POLN: variants seen among roughly 807,000 people sequenced by gnomAD.
The protein encoded by POLN is DNA polymerase nu, also known as DNA polymerase N.
In POLN, 108 loss-of-function variants were observed where a neutral mutation model predicts 113.5. The observed-to-expected ratio is 0.95, with a 90% CI of 0.81 to 1.12. The LOEUF is 1.12. Ranked by LOEUF, POLN falls within the 50% of genes most tolerant of loss-of-function variation. POLN has a pLI of 0.00. For missense variants in POLN, 1,097 were observed against 1,077.1 expected (o/e 1.02, Z -0.26); for synonymous variants, 386 against 391.5 (o/e 0.99, Z 0.17).
intron 19 of POLN, among the ~76,000 whole-genome samples, chr4:2,125,424 A>G (rs1251458350): frequency 6.6e-6 from 1 of 152,162 alleles, no homozygotes; most frequent in Non-Finnish European, 1.5e-5. Context: ...TTTGGAGATT[A>G]AGAGAGAATA....
intron 2 of POLN, among the ~76,000 whole-genome samples, chr4:2,234,749 T>C (rs1455239140): frequency 1.3e-5 from 2 of 152,206 alleles, no homozygotes; most frequent in African/African-American, 4.8e-5. Flanking sequence ...GAATAGTCAT[T>C]ATGTAATGCT....
chr4:2,153,584 T>C (rs919243736), intron 16 of POLN, among the ~76,000 whole-genome samples: 2 of 151,916 alleles, frequency 1.3e-5, no homozygotes, highest in African/African-American at 2.4e-5. Context: ...ATGTTATTTG[T>C]ATAATTTTTT....
chr4:2,198,761 T>G, intron 5 of POLN, 44 bp from the exon 6 acceptor site: 2 of 1,493,712 alleles, frequency 1.3e-6, no homozygotes, highest in Non-Finnish European at 9.0e-7. Context: ...ACAACATATC[T>G]GTTGTAGAAA....
chr4:2,176,479 T>C, intron 8 of POLN, 145 bp from the exon 9 acceptor site: 1 of 609,334 alleles, frequency 1.6e-6, no homozygotes, highest in South Asian at 2.3e-5. Flanking sequence ...CGTGGTAGTA[T>C]CACCAAACAC....
At position 2,210,618 on chromosome 4, in the gene POLN, TAATAATAATAATAAA is replaced by T. The variant is rs1234323984; in HGVS notation, c.214-2146_214-2132del. Among the ~76,000 whole-genome samples, 416 of 133,462 alleles carry T rather than the reference TAATAATAATAATAAA, an allele frequency of 3.1e-3. 6 individuals are homozygous for T. Among genetic ancestry groups the T allele is most frequent in the African/African-American group, 9.9e-3 (312 of 31,472 alleles). The allele number at this position is 133,462 out of a possible 152,430, so 87.6% of individuals were successfully genotyped here. The stretch of plus-strand genomic sequence containing the variant: ...ATAATAATAATAATAATAATAATAA[TAATAATAATAATAAA>T]AAAAAGAGGCCGGGCATGGTGGCTC... On this transcript the variant is annotated intron_variant, in intron 4 of 25. Transcript: ENST00000511885.
At chr4:2,140,979 G>A (rs1011456011) in intron 16 of POLN, 1 of 152,320 alleles carries the variant, frequency 6.6e-6, no homozygotes, top group African/African-American at 2.4e-5. Flanking sequence ...GCTGCATGAG[G>A]CGCTCTGCAT....
chr4:2,091,794 T>C (rs1236613536), intron 20 of POLN, among the ~76,000 whole-genome samples: 74 of 130,794 alleles, frequency 5.7e-4, no homozygotes, highest in Admixed American at 8.2e-4. Flanking sequence ...TGTGTGTGTG[T>C]GTGTGTGCGC....
At chr4:2,152,125 G>C (rs181904429) in intron 16 of POLN, among the ~76,000 whole-genome samples, 2 of 149,324 alleles carry the variant, frequency 1.3e-5, no homozygotes, top group African/African-American at 2.5e-5. Context: ...TCCTCCTCTC[G>C]GGCTCAAGCA....
At chr4:2,146,350 AC>A (rs944777341) in intron 16 of POLN, among the ~76,000 whole-genome samples, 7 of 40,242 alleles carry the variant, frequency 1.7e-4, no homozygotes, top group Non-Finnish European at 5.1e-4. Flanking sequence ...TACTAAAAAT[AC>A]AAAAAAATTA....
chr4:2,163,435 G>C (rs1289596181), intron 13 of POLN, among the ~76,000 whole-genome samples: 1 of 152,236 alleles, frequency 6.6e-6, no homozygotes, highest in Non-Finnish European at 1.5e-5. Flanking sequence ...ACCGTGTACA[G>C]AGCACTGAGT....
At chr4:2,076,931 A>C (rs1456150192) in intron 23 of POLN, 1 of 152,020 alleles carries the variant, frequency 6.6e-6, no homozygotes, top group Non-Finnish European at 1.5e-5. Context: ...CCTCAGCTAC[A>C]AAGGACATTT....
intron 12 of POLN, 136 bp from the exon 13 acceptor site, chr4:2,170,910 TAG>T: frequency 1.1e-6 from 1 of 932,692 alleles, no homozygotes; most frequent in Non-Finnish European, 1.6e-6. Context: ...AATTCTCATT[TAG>T]TACTTTTCTA....
chr4:2,159,108 T>C, intron 14 of POLN, 47 bp downstream of exon 14: 1 of 1,379,910 alleles, frequency 7.2e-7, no homozygotes, highest in Non-Finnish European at 1.0e-6. Flanking sequence ...GCCATATGGT[T>C]CCCCCTCATC....
intron 1 of POLN, 62 bp from the exon 2 acceptor site, chr4:2,241,852 G>T (rs1261581584): frequency 3.0e-6 from 3 of 985,442 alleles, no homozygotes; most frequent in African/African-American, 1.7e-5. Flanking sequence ...AGAAGACGGG[G>T]GTGACAGGCC....
At chr4:2,151,001 C>T (rs1465173573) in intron 16 of POLN, among the ~76,000 whole-genome samples, 1 of 152,206 alleles carries the variant, frequency 6.6e-6, no homozygotes, top group Non-Finnish European at 1.5e-5. Context: ...AAAACTTCTG[C>T]TCTTCAAAAG....
intron 23 of POLN, chr4:2,080,109 T>TG: frequency 3.0e-6 from 3 of 984,848 alleles, no homozygotes; most frequent in Non-Finnish European, 3.6e-6. Context: ...ACTGACACTG[T>TG]GGGGGGCTGG....
intron 8 of POLN, among the ~76,000 whole-genome samples, chr4:2,178,249 A>C (rs1469086131): frequency 1.3e-5 from 2 of 151,484 alleles, no homozygotes; most frequent in Non-Finnish European, 2.9e-5. Flanking sequence ...AGTGCCCAGC[A>C]CACAGCTTGG....
In POLN at chr4:2,241,597, G is replaced by A. The variant is rs893466647; in HGVS notation, c.-90C>T. 14 of 985,566 alleles carry A rather than the reference G, an allele frequency of 1.4e-5. No homozygotes were observed. The highest frequency in any genetic ancestry group is 1.7e-5 in the Non-Finnish European group (14 of 830,128). 61.1% of individuals were successfully genotyped at this position (985,566 alleles called of 1,614,324 possible). Reference sequence around the variant, plus strand: ...GGAGAACAGCAGGAGCAGCAGGGAAGCGCGCGGCCACAATTAAGGGTGCTT... The same window carrying A: ...GGAGAACAGCAGGAGCAGCAGGGAAACGCGCGGCCACAATTAAGGGTGCTT... On this transcript the variant is annotated 5_prime_UTR_variant, in exon 2 of 26. Coordinates refer to ENST00000511885, the MANE Select transcript of POLN (RefSeq NM_181808.4).
intron 3 of POLN, among the ~76,000 whole-genome samples, chr4:2,224,633 T>C (rs1734339785): frequency 6.6e-6 from 1 of 151,968 alleles, no homozygotes; most frequent in East Asian, 1.9e-4. Flanking sequence ...GTGCAGTAGG[T>C]TTGTTTACGC....
Sources: allele counts gnomAD v4.1 joint callset (sites outside exome capture counted in the v4.1 genomes callset), GRCh38; gene constraint gnomAD v4.1.1; transcripts MANE v1.5; gene names NCBI Gene and HGNC (gene_info 2026-07-23, HGNC 2026-07-21).